The following MAX variants were observed in gnomAD, a reference collection of about 807,000 sequenced individuals.
The protein encoded by MAX is protein max.
MAX carries 3 observed loss-of-function variants against 22.3 expected under a neutral mutation model. The observed-to-expected ratio is 0.13, with a 90% CI of 0.06 to 0.35. The LOEUF (loss-of-function observed/expected upper bound fraction) is 0.35, where lower values mean the gene tolerates loss of function less well. MAX is among the 10% of genes least tolerant of loss of function. MAX has a pLI of 1.00. For missense variants in MAX, 119 were observed against 209.4 expected, an observed-to-expected ratio of 0.57 and a Z score of 2.66; for synonymous variants, 72 against 77.7, an observed-to-expected ratio of 0.93 and a Z score of 0.39.
chr14:65,075,365 C>T lies in MAX; in HGVS notation c.*1111G>A, dbSNP rs2063031229. The T allele has an allele frequency of 1.9e-6, 2 of 1,063,202 alleles. No individual in the cohort carries two copies. The highest frequency in any genetic ancestry group is 3.3e-5 in the African/African-American group (2 of 60,902). The allele number at this position is 1,063,202 out of a possible 1,614,324, so 65.9% of individuals were successfully genotyped here. A position where few individuals can be genotyped will look rare whatever the true frequency, so the allele number is the denominator to read the frequency against. On this transcript the variant is annotated 3_prime_UTR_variant, in exon 5 of 5. Transcript: ENST00000358664. This position sits in a 1 kb window ranked among gnomAD's most constrained non-coding sequence, Gnocchi z 4.1. ...CTTCACTGGCATCTGCTGACCACAG[C>T]CAGAACCAGGGCTGGATCACACAAT...
At chr14:65,038,657 G>A (rs1307798165) in intron 3 of MAX, among the ~76,000 whole-genome samples, 2 of 152,202 alleles carry the variant, frequency 1.3e-5, no homozygotes, top group African/African-American at 4.8e-5. Flanking sequence ...GGCGGAGGTT[G>A]CAGTGAGCCA....
intron 3 of MAX, chr14:65,015,528 T>TTGCCCTCAC: frequency 7.8e-7 from 1 of 1,284,102 alleles, no homozygotes; most frequent in South Asian, 1.4e-5. Context: ...CTCCTCCCCC[T>TTGCCCTCAC]TGCCAGGCTG....
chr14:65,074,511 T>G (rs988920806), downstream of MAX, among the ~76,000 whole-genome samples: 1 of 152,232 alleles, frequency 6.6e-6, no homozygotes, highest in Non-Finnish European at 1.5e-5. Context: ...TGATTTGACT[T>G]GACTTCCTCT....
Position 65,076,305 on chromosome 14 carries a change from C to T in MAX, c.*171G>A, listed in dbSNP as rs955450872. 74 of 1,471,114 alleles carry T rather than the reference C, an allele frequency of 5.0e-5. 1 individual carries two copies. The East Asian group carries it at 6.5e-4, about 13-fold the overall frequency. 91.1% of individuals were successfully genotyped at this position (1,471,114 alleles called of 1,614,324 possible). A position where few individuals can be genotyped will look rare whatever the true frequency, so the allele number is the denominator to read the frequency against. On this transcript the variant is annotated 3_prime_UTR_variant, in exon 5 of 5. Coordinates refer to ENST00000358664, the MANE Select transcript of MAX (RefSeq NM_002382.5). This position sits in a 1 kb window ranked among gnomAD's most constrained non-coding sequence, Gnocchi z 6.6. ...ATACAGTGGAAATGGGGAAGGAGAACGAGAGCTGTTGTCCAAGAGCTTCTA... is the reference window on the plus strand; with the variant it reads ...ATACAGTGGAAATGGGGAAGGAGAATGAGAGCTGTTGTCCAAGAGCTTCTA...
At position 65,076,454 on chromosome 14, in the gene MAX, T is replaced by C. The variant is rs1359129619; in HGVS notation, c.*22A>G. 1 of 1,612,684 alleles carries C rather than the reference T, an allele frequency of 6.2e-7. No individual in the cohort carries two copies. Among genetic ancestry groups the C allele is most frequent in the South Asian group, 1.1e-5 (1 of 90,976 alleles). On this transcript the variant is annotated 3_prime_UTR_variant, in exon 5 of 5. Transcript: ENST00000358664. This position sits in a 1 kb window ranked among gnomAD's most constrained non-coding sequence, Gnocchi z 6.6. The stretch of plus-strand genomic sequence containing the variant: ...AGACGATGGAGACAGACAGTTTTTA[T>C]TGCTGGCCTGCCCCGAGTGGCTTAG...
In MAX at chr14:65,060,523, C is replaced by T. The variant is rs796441355; in HGVS notation, c.171+33185G>A. The stretch of plus-strand genomic sequence containing the variant: ...CATCCCGGCTAAAACGGTGAAACCC[C>T]GTCTCTACTAAAAATACAAAAAATT... On this transcript the variant is annotated intron_variant, in intron 3 of 3. Transcript: ENST00000341653. 7.1e-5 allele frequency among the ~76,000 whole-genome samples: 9 copies of T among 127,064 alleles called. 1 individual carries two copies. The highest frequency in any genetic ancestry group is 4.5e-4 in the East Asian group (2 of 4,452). The allele number at this position is 127,064 out of a possible 152,430, so 83.4% of individuals were successfully genotyped here.
chr14:65,006,224 T>C (rs756812074), exon 4 of MAX: 10 of 1,612,408 alleles, frequency 6.2e-6, no homozygotes, highest in East Asian at 2.2e-5. Context: ...CAGAAAACAG[T>C]TGGAAAAGGC....
chr14:65,006,195 T>C (rs749420212), exon 4 of MAX: 11 of 1,598,448 alleles, frequency 6.9e-6, no homozygotes, highest in Non-Finnish European at 7.7e-6. Context: ...CTTAAGAAAC[T>C]TTTTCTGATT....
In MAX at chr14:65,069,601, C is replaced by A. The variant is rs569828465; in HGVS notation, c.171+24107G>T. Reference sequence around the variant, plus strand: ...ACTCACGCAGAGGCAACCCTGGAACCGCCCTATCAAGGGCACAGAGATGAA... The same window carrying A: ...ACTCACGCAGAGGCAACCCTGGAACAGCCCTATCAAGGGCACAGAGATGAA... On this transcript the variant is annotated intron_variant, in intron 3 of 3. Transcript: ENST00000341653. This position sits in a 1 kb window ranked among gnomAD's most constrained non-coding sequence, Gnocchi z 4.6. Among the ~76,000 whole-genome samples, 4 of 152,328 alleles carry A rather than the reference C, an allele frequency of 2.6e-5. No homozygotes were observed. Among genetic ancestry groups the A allele is most frequent in the African/African-American group, 9.6e-5 (4 of 41,586 alleles).
At chr14:65,036,447 G>C (rs879516205) in intron 3 of MAX, among the ~76,000 whole-genome samples, 1 of 151,946 alleles carries the variant, frequency 6.6e-6, no homozygotes, top group Non-Finnish European at 1.5e-5. Flanking sequence ...ATGTTGCCCA[G>C]GCTGGTCTTA....
intron 3 of MAX, among the ~76,000 whole-genome samples, chr14:65,092,206 G>A (rs1436541545): frequency 1.3e-5 from 2 of 152,172 alleles, no homozygotes; most frequent in African/African-American, 4.8e-5. Context: ...CTGACTGCTT[G>A]TTATAAATAC....
In MAX at chr14:65,047,978, ATTTTTTTTTTT is replaced by A. The variant is rs34879850; in HGVS notation, c.172-41705_172-41695del. 4.7e-5 allele frequency among the ~76,000 whole-genome samples: 3 copies of A among 64,148 alleles called. No homozygotes were observed. The highest frequency in any genetic ancestry group is 5.1e-4 in the East Asian group (1 of 1,956). The allele number at this position is 64,148 out of a possible 152,430, so 42.1% of individuals were successfully genotyped here. On this transcript the variant is annotated intron_variant, in intron 3 of 3. Coordinates refer to the MAX transcript ENST00000341653. The surrounding 1 kb of genome is among the most constrained non-coding windows in gnomAD (Gnocchi z 5.2). Reference sequence around the variant, plus strand: ...AGACAGAAGGAGGGAGACTTTTTAGATTTTTTTTTTTTTTTTTTTTTTTTTTTGAGACAGAG... The same window carrying A: ...AGACAGAAGGAGGGAGACTTTTTAGATTTTTTTTTTTTTTTTGAGACAGAG...
chr14:65,024,703 TG>T (rs937161760), intron 3 of MAX, among the ~76,000 whole-genome samples: 1 of 152,228 alleles, frequency 6.6e-6, no homozygotes, highest in Non-Finnish European at 1.5e-5. Context: ...GTTTGTACAA[TG>T]TTTTTTGCTT....
rs1312844771 is a variant in MAX at position 65,054,506 on chromosome 14, T to C, written c.171+39202A>G. The stretch of plus-strand genomic sequence containing the variant: ...GTGATTGCACCAGTGGTCTCTGAAT[T>C]GGTGTGGCTACATTTGTAGATGTGT... On this transcript the variant is annotated intron_variant, in intron 3 of 3. Transcript: ENST00000341653. This position sits in a 1 kb window ranked among gnomAD's most constrained non-coding sequence, Gnocchi z 4.4. 2.0e-6 allele frequency: 3 copies of C among 1,477,730 alleles called. No homozygotes were observed. Among genetic ancestry groups the C allele is most frequent in the East Asian group, 4.9e-5 (2 of 40,900 alleles). The allele number at this position is 1,477,730 out of a possible 1,614,324, so 91.5% of individuals were successfully genotyped here.
intron 3 of MAX, among the ~76,000 whole-genome samples, chr14:65,068,582 A>G (rs1193867124): frequency 2.0e-5 from 3 of 151,948 alleles, no homozygotes; most frequent in East Asian, 1.9e-4. Context: ...TTTATACTTC[A>G]TATTATGTTC....
chr14:65,012,395 C>T lies in MAX; in HGVS notation c.172-6111G>A, dbSNP rs370339814. 1.2e-4 allele frequency: 189 copies of T among 1,613,948 alleles called. 1 individual carries two copies. In the Middle Eastern group the frequency reaches 2.1e-3, roughly 18 times the overall value. ...AACTGACAGATGCCTATGAGGTAAACACATTACCCAGGAACTCTTGCTGTC... is the reference window on the plus strand; with the variant it reads ...AACTGACAGATGCCTATGAGGTAAATACATTACCCAGGAACTCTTGCTGTC... On this transcript the variant is annotated intron_variant, in intron 3 of 3. Transcript: ENST00000341653. The surrounding 1 kb of genome is among the most constrained non-coding windows in gnomAD (Gnocchi z 5.0).
At chr14:65,057,625 G>A (rs944550533) in intron 3 of MAX, among the ~76,000 whole-genome samples, 3 of 152,092 alleles carry the variant, frequency 2.0e-5, no homozygotes, top group Non-Finnish European at 4.4e-5. Flanking sequence ...TGCTATGAAG[G>A]GAATGAACAA....
intron 3 of MAX, among the ~76,000 whole-genome samples, chr14:65,085,625 A>G (rs1205133952): frequency 6.6e-6 from 1 of 152,144 alleles, no homozygotes; most frequent in East Asian, 1.9e-4. Context: ...GAGACTGAGG[A>G]GAGGTCCCAC....
chr14:65,101,531 GAGT>G lies in MAX; in HGVS notation c.63+12_63+14del, dbSNP rs1418015164. 6.2e-7 allele frequency: 1 copy of G among 1,606,192 alleles called. No individual in the cohort carries two copies. Among genetic ancestry groups the G allele is most frequent in the Non-Finnish European group, 8.5e-7 (1 of 1,173,726 alleles). On this transcript the variant is annotated intron_variant, in intron 2 of 4. Coordinates refer to ENST00000358664, the MANE Select transcript of MAX (RefSeq NM_002382.5). ...TGAACGGAAATAAAAATGAAATGGA[GAGT>G]AGGAGACGTACCGCAGATTGAAACC...
Sources: gnomAD v4.1 joint callset for allele counts (sites outside exome capture counted in the v4.1 genomes callset) on GRCh38, gnomAD v4.1.1 for gene constraint, Gnocchi (gnomAD v3.1) non-coding constraint, MANE v1.5 for transcripts, NCBI Gene and HGNC (gene_info 2026-07-23, HGNC 2026-07-21) for gene names.